Variants in CNTNAP4 observed in about 807,000 individuals in gnomAD.
The protein encoded by CNTNAP4 is contactin associated protein family member 4, also known as contactin-associated protein-like 4.
In CNTNAP4, 98 loss-of-function variants were observed where a neutral mutation model predicts 148.4. The ratio of observed to expected loss-of-function variants is 0.66; its 90% confidence interval spans 0.56 to 0.78. CNTNAP4 has a LOEUF of 0.78. CNTNAP4 is among the 30% of genes least tolerant of loss of function. The probability of loss-of-function intolerance (pLI) is 0.00; values close to 1 mark genes in which losing one functional copy is unlikely to be tolerated. For missense variants in CNTNAP4, 1,935 were observed against 1,565.6 expected, an observed-to-expected ratio of 1.24 and a Z score of -3.98; for synonymous variants, 730 against 565.1, an observed-to-expected ratio of 1.29 and a Z score of -4.14.
chr16:76,492,321 A>G (rs1277270478), intron 13 of CNTNAP4, among the ~76,000 whole-genome samples: 3 of 151,934 alleles, frequency 2.0e-5, no homozygotes, highest in Non-Finnish European at 4.4e-5. Context: ...TGATTGTGGT[A>G]ATCATTTCAC....
chr16:76,490,254 A>G (rs530865987), intron 13 of CNTNAP4, among the ~76,000 whole-genome samples: 1 of 152,346 alleles, frequency 6.6e-6, no homozygotes, highest in Non-Finnish European at 1.5e-5. Flanking sequence ...TAATAAAAAT[A>G]CGACTTAGTT....
rs139789453 is a variant in CNTNAP4 at position 76,550,358 on chromosome 16, A to G, written c.3443-2925A>G. ...CTGTTTCTTTAGCTCATAAAAGGATAAATATTAACTGACCATGTGTCCATT... is the reference window on the plus strand; with the variant it reads ...CTGTTTCTTTAGCTCATAAAAGGATGAATATTAACTGACCATGTGTCCATT... On this transcript the variant is annotated intron_variant, in intron 21 of 23. Coordinates refer to ENST00000611870, the MANE Select transcript of CNTNAP4 (RefSeq NM_033401.5). Among the ~76,000 whole-genome samples the G allele has an allele frequency of 5.5e-4, 84 of 152,328 alleles. No homozygotes were observed. In the East Asian group the frequency reaches 0.014, roughly 25 times the overall value.
chr16:76,345,968 C>A (rs1964868052), intron 2 of CNTNAP4, among the ~76,000 whole-genome samples: 1 of 152,164 alleles, frequency 6.6e-6, no homozygotes, highest in Non-Finnish European at 1.5e-5. Flanking sequence ...TTACAGTTGT[C>A]TACAAGCCAG....
intron 1 of CNTNAP4, among the ~76,000 whole-genome samples, chr16:76,309,562 A>G (rs920937703): frequency 2.6e-5 from 4 of 152,198 alleles, no homozygotes; most frequent in Non-Finnish European, 4.4e-5. Context: ...TTTCCTAAAC[A>G]TATTCAGCTG....
chr16:76,371,146 G>A (rs537981352), intron 3 of CNTNAP4, among the ~76,000 whole-genome samples: 17 of 152,266 alleles, frequency 1.1e-4, no homozygotes, highest in African/African-American at 4.1e-4. Context: ...TCAAAACATA[G>A]ATTTGCTTTC....
intron 4 of CNTNAP4, among the ~76,000 whole-genome samples, chr16:76,447,251 A>G (rs946173879): frequency 6.6e-6 from 1 of 151,952 alleles, no homozygotes; most frequent in Non-Finnish European, 1.5e-5. Context: ...TCAAGGCTGC[A>G]GTGAGCCAAG....
At chr16:76,335,944 T>C (rs138104072) in intron 2 of CNTNAP4, among the ~76,000 whole-genome samples, 279 of 152,192 alleles carry the variant, frequency 1.8e-3, no homozygotes, top group African/African-American at 6.3e-3. Flanking sequence ...TTGATTATCA[T>C]AGGATTGTTC....
intron 2 of CNTNAP4, among the ~76,000 whole-genome samples, chr16:76,350,605 A>G (rs1158997863): frequency 6.6e-6 from 1 of 152,206 alleles, no homozygotes; most frequent in Non-Finnish European, 1.5e-5. Context: ...AAATTTTTTC[A>G]AAGCTCAACT....
At position 76,501,755 on chromosome 16, in the gene CNTNAP4, G is replaced by C. The variant is rs560164739; in HGVS notation, c.2365+3061G>C. On this transcript the variant is annotated intron_variant, in intron 15 of 23. Transcript: ENST00000611870. ...GAACTACTGTGACCATGGGAATACAGAGGGGAGCTACTACATTAGCACTAA... is the reference window on the plus strand; with the variant it reads ...GAACTACTGTGACCATGGGAATACACAGGGGAGCTACTACATTAGCACTAA... 3.6e-3 allele frequency among the ~76,000 whole-genome samples: 542 copies of C among 152,266 alleles called. 2 individuals carry two copies. Among genetic ancestry groups the C allele is most frequent in the African/African-American group, 0.012 (519 of 41,558 alleles).
At chr16:76,500,679 G>A (rs575650404) in intron 15 of CNTNAP4, among the ~76,000 whole-genome samples, 11 of 150,322 alleles carry the variant, frequency 7.3e-5, no homozygotes, top group African/African-American at 2.5e-4. Flanking sequence ...GGTGCATGCT[G>A]TTTTGCATAT....
chr16:76,453,696 C>A (rs1038186331), intron 8 of CNTNAP4, among the ~76,000 whole-genome samples: 4 of 151,914 alleles, frequency 2.6e-5, no homozygotes, highest in African/African-American at 9.7e-5. Context: ...AGTTAAAATA[C>A]AGTTGAAAAT....
At chr16:76,389,136 A>G (rs1398796162) in intron 3 of CNTNAP4, among the ~76,000 whole-genome samples, 3 of 152,204 alleles carry the variant, frequency 2.0e-5, no homozygotes, top group Non-Finnish European at 2.9e-5. Context: ...GAATATTGCT[A>G]TATGTTAGAG....
Position 76,307,539 on chromosome 16 carries a change from T to TATATATATATATATAC in CNTNAP4, c.86-8873_86-8872insTATATATATATATACA, listed in dbSNP as rs558814796. Among the ~76,000 whole-genome samples, 81 of 119,368 alleles carry TATATATATATATATAC rather than the reference T, an allele frequency of 6.8e-4. 3 individuals are homozygous for TATATATATATATATAC. Among genetic ancestry groups the TATATATATATATATAC allele is most frequent in the African/African-American group, 1.2e-3 (36 of 29,866 alleles). 78.3% of individuals were successfully genotyped at this position (119,368 alleles called of 152,430 possible). ...ATATATATATATATATATATATATA[T>TATATATATATATATAC]ACCAAACTCCAGAAATGCTTACCCC... is the stretch of plus-strand genomic sequence containing the variant. On this transcript the variant is annotated intron_variant, in intron 1 of 23. Coordinates refer to ENST00000611870, the MANE Select transcript of CNTNAP4 (RefSeq NM_033401.5).
chr16:76,403,153 C>T (rs945325306), intron 3 of CNTNAP4, among the ~76,000 whole-genome samples: 1 of 149,798 alleles, frequency 6.7e-6, no homozygotes, highest in Admixed American at 6.7e-5. Context: ...AGTGCAGTGG[C>T]GCGATCTCGA....
intron 9 of CNTNAP4, among the ~76,000 whole-genome samples, chr16:76,462,622 C>T (rs555941377): frequency 3.9e-5 from 6 of 152,266 alleles, no homozygotes; most frequent in South Asian, 2.1e-4. Flanking sequence ...CATCAGCCTT[C>T]GACACCAGCT....
chr16:76,399,743 C>G (rs1471794502), intron 3 of CNTNAP4, among the ~76,000 whole-genome samples: 2 of 152,146 alleles, frequency 1.3e-5, no homozygotes, highest in Non-Finnish European at 2.9e-5. Context: ...CACTTAAAAG[C>G]ACTGCTGTAT....
At chr16:76,517,700 T>C (rs2083302212) in intron 15 of CNTNAP4, among the ~76,000 whole-genome samples, 3 of 152,230 alleles carry the variant, frequency 2.0e-5, no homozygotes, top group South Asian at 2.1e-4. Flanking sequence ...AATTCAGTAA[T>C]ATAAAGTGTG....
In CNTNAP4 at chr16:76,489,696, G is replaced by C; in HGVS notation, c.1893G>C (p.Trp631Cys). Residue 631 changes from tryptophan (W) to cysteine (C), a missense_variant, in exon 13 of 24, where the codon TGG (tryptophan) becomes TGC (cysteine). Transcript: ENST00000611870. ...LLYCNMTETA[W>C]TIIQHNGSDL... ...ATTTCTGCATACAAGAAACTGCATG[G>C]ACCATCATACAGCACAACGGCTCTG... 1 of 1,577,874 alleles carries C rather than the reference G, an allele frequency of 6.3e-7. No individual in the cohort carries two copies. The highest frequency in any genetic ancestry group is 2.3e-5 in the East Asian group (1 of 44,052).
At chr16:76,534,637 A>C (rs1044042943) in intron 17 of CNTNAP4, among the ~76,000 whole-genome samples, 29 of 152,330 alleles carry the variant, frequency 1.9e-4, no homozygotes, top group African/African-American at 5.8e-4. Context: ...TCTAGTGATC[A>C]TCTGAATTAG....
Sources: allele counts gnomAD v4.1 joint callset (sites outside exome capture counted in the v4.1 genomes callset), GRCh38; gene constraint gnomAD v4.1.1; transcripts MANE v1.5; gene names NCBI Gene and HGNC (gene_info 2026-07-23, HGNC 2026-07-21).